TBCD: variants seen among roughly 807,000 people sequenced by gnomAD.
The protein encoded by TBCD is tubulin folding cofactor D.
Under a neutral mutation model 169.3 loss-of-function variants are expected in TBCD, and 105 were observed. That is an observed-to-expected ratio of 0.62 (90% confidence interval 0.53 to 0.73). The LOEUF is 0.73. TBCD is among the 30% of genes least tolerant of loss of function. TBCD has a pLI of 0.00. For missense variants in TBCD, 1,444 were observed against 1,600.1 expected (o/e 0.90, Z 1.66); for synonymous variants, 700 against 643.9 (o/e 1.09, Z -1.32).
chr17:82,913,790 C>T (rs1312518197), intron 23 of TBCD: 2 of 152,290 alleles, frequency 1.3e-5, no homozygotes, highest in Non-Finnish European at 2.9e-5. Flanking sequence ...TCCTGCTGGG[C>T]GTTGGCCGCT....
At chr17:82,764,427 C>T (rs920817175) in intron 3 of TBCD, among the ~76,000 whole-genome samples, 1 of 152,090 alleles carries the variant, frequency 6.6e-6, no homozygotes, top group Non-Finnish European at 1.5e-5. Flanking sequence ...GGTGGATCAC[C>T]TGTGGTCAGG....
intron 34 of TBCD, among the ~76,000 whole-genome samples, chr17:82,933,727 G>A (rs1022691505): frequency 4.9e-4 from 75 of 152,234 alleles, no homozygotes; most frequent in Admixed American, 4.1e-3. Context: ...CAGTTCTCTC[G>A]CAGACTTCTG....
In TBCD at chr17:82,846,311, G is replaced by GCGTCCCCTGTGCCGTGTCCTCT. The variant is rs1567879164; in HGVS notation, c.1319-23908_1319-23907insCCTGTGCCGTGTCCTCTCGTCC. On this transcript the variant is annotated intron_variant, in intron 13 of 38. Coordinates refer to ENST00000355528, the MANE Select transcript of TBCD (RefSeq NM_005993.5). ...CCCTCTGCTGCCCCCTCCACGTGCT[G>GCGTCCCCTGTGCCGTGTCCTCT]CGTCCAGCGTGCCGTGTCCTCTCGT... is the stretch of plus-strand genomic sequence containing the variant. Among the ~76,000 whole-genome samples, 288 of 135,244 alleles carry GCGTCCCCTGTGCCGTGTCCTCT rather than the reference G, an allele frequency of 2.1e-3. 16 individuals carry two copies. Among genetic ancestry groups the GCGTCCCCTGTGCCGTGTCCTCT allele is most frequent in the Admixed American group, 2.6e-3 (35 of 13,332 alleles). The allele number at this position is 135,244 out of a possible 152,430, so 88.7% of individuals were successfully genotyped here. A position where few individuals can be genotyped will look rare whatever the true frequency, so the allele number is the denominator to read the frequency against.
intron 12 of TBCD, 118 bp downstream of exon 12, chr17:82,809,900 T>C: frequency 1.1e-6 from 1 of 875,890 alleles, no homozygotes; most frequent in Non-Finnish European, 1.8e-6. Context: ...CTCCAGAAGC[T>C]CTTTTTTCCC....
chr17:82,874,404 G>C lies in TBCD; in HGVS notation c.1475+4024G>C, dbSNP rs74000141. ...ATCTCGTGGGGCTTTGGTTTTTGGA[G>C]GTCCTGGGTGCGTCTCCACCATGGC... On this transcript the variant is annotated intron_variant, in intron 14 of 38. Transcript: ENST00000355528. The surrounding 1 kb of genome is among the most constrained non-coding windows in gnomAD (Gnocchi z 5.0). Among the ~76,000 whole-genome samples, 5,319 of 152,236 alleles carry C rather than the reference G, an allele frequency of 0.035. 328 individuals carry two copies. The highest frequency in any genetic ancestry group is 0.12 in the African/African-American group (5,012 of 41,520).
chr17:82,788,744 C>G (rs546760388), intron 7 of TBCD, among the ~76,000 whole-genome samples: 144 of 152,120 alleles, frequency 9.5e-4, no homozygotes, highest in African/African-American at 3.2e-3. Context: ...GTGTGTGGGC[C>G]GGGAACCAGG....
chr17:82,875,014 A>ACTCTTCAGGTGCCTGG (rs1160650593), intron 14 of TBCD, among the ~76,000 whole-genome samples: 23 of 151,710 alleles, frequency 1.5e-4, no homozygotes, highest in Non-Finnish European at 2.9e-4. Flanking sequence ...GCCGCTCCTC[A>ACTCTTCAGGTGCCTGG]CTCTTCAGGT....
At chr17:82,838,346 A>C (rs1271955119) in intron 13 of TBCD, among the ~76,000 whole-genome samples, 1 of 151,444 alleles carries the variant, frequency 6.6e-6, no homozygotes. Context: ...AAAAAAAAAA[A>C]CTTTGATAGG....
chr17:82,898,626 G>A (rs539848147), intron 17 of TBCD, among the ~76,000 whole-genome samples: 1 of 11,062 alleles, frequency 9.0e-5, no homozygotes, highest in Admixed American at 1.4e-3. Flanking sequence ...AAGATCAGTT[G>A]CGGTTGTTTT....
Position 82,830,324 on chromosome 17 carries a change from G to A in TBCD, c.1318+15390G>A, listed in dbSNP as rs144194892. 2.5e-6 allele frequency: 4 copies of A among 1,613,970 alleles called. No individual in the cohort carries two copies. In the African/African-American group the frequency reaches 5.3e-5, roughly 22 times the overall value. ...GAGCTCAGTGTGGGTGTGTCTTGCC[G>A]GCAGGCAGGTTCCGGGGCCGCAGCA... On this transcript the variant is annotated intron_variant, in intron 13 of 38. Transcript: ENST00000355528.
intron 19 of TBCD, among the ~76,000 whole-genome samples, chr17:82,905,091 C>T (rs1473705519): frequency 6.6e-6 from 1 of 152,194 alleles, no homozygotes; most frequent in Non-Finnish European, 1.5e-5. Flanking sequence ...CCCTCTGCGT[C>T]CGTGAGGGTT....
At chr17:82,759,837 G>A (rs1399377854) in intron 2 of TBCD, among the ~76,000 whole-genome samples, 2 of 148,874 alleles carry the variant, frequency 1.3e-5, no homozygotes, top group Non-Finnish European at 3.0e-5. Context: ...TTTTTATCCT[G>A]TTCCATTGAC....
chr17:82,895,804 G>T (rs2059435964), intron 17 of TBCD: 1 of 152,176 alleles, frequency 6.6e-6, no homozygotes, highest in Non-Finnish European at 1.5e-5. Context: ...TGCTGACATG[G>T]AGATGTTTCC....
chr17:82,918,495 A>G (rs2061212974), intron 23 of TBCD: 1 of 152,186 alleles, frequency 6.6e-6, no homozygotes, highest in Non-Finnish European at 1.5e-5. Flanking sequence ...TTCCTAGCCC[A>G]CGGTTGGGTT....
At chr17:82,871,867 C>A (rs1380122908) in intron 14 of TBCD, among the ~76,000 whole-genome samples, 5 of 152,178 alleles carry the variant, frequency 3.3e-5, no homozygotes, top group African/African-American at 1.2e-4. Context: ...TCCTGGGTTC[C>A]CTCACGCACC....
intron 14 of TBCD, among the ~76,000 whole-genome samples, chr17:82,872,462 G>A (rs1019611422): frequency 5.3e-5 from 8 of 152,190 alleles, no homozygotes; most frequent in African/African-American, 9.7e-5. Context: ...GGAGAGGTCC[G>A]GCTTTAGGCC....
At position 82,782,892 on chromosome 17, in the gene TBCD, C is replaced by T. The variant is rs906247505; in HGVS notation, c.771+1171C>T. ...CTCAGTGTTGTCTTCCTGTCCATGG[C>T]GTTGTCTTCCTGTCTGCGGTGTCGT... On this transcript the variant is annotated intron_variant, in intron 7 of 38. Transcript: ENST00000355528. The surrounding 1 kb of genome is among the most constrained non-coding windows in gnomAD (Gnocchi z 5.1). Among the ~76,000 whole-genome samples, 1 of 151,106 alleles carries T rather than the reference C, an allele frequency of 6.6e-6. No individual in the cohort carries two copies. The highest frequency in any genetic ancestry group is 2.1e-4 in the South Asian group (1 of 4,724).
intron 5 of TBCD, 42 bp downstream of exon 5, chr17:82,768,608 T>A (rs1239815573): frequency 6.2e-7 from 1 of 1,602,924 alleles, no homozygotes; most frequent in African/African-American, 1.3e-5. Context: ...TAGTACTCAC[T>A]TTCATGTTCA....
At position 82,929,394 on chromosome 17, in the gene TBCD, C is replaced by T; in HGVS notation, c.2885C>T (p.Pro962Leu). 6.2e-7 allele frequency: 1 copy of T among 1,613,020 alleles called. No individual in the cohort carries two copies. Among genetic ancestry groups the T allele is most frequent in the Non-Finnish European group, 8.5e-7 (1 of 1,179,798 alleles). The change falls in exon 32 of 39, where the codon CCT becomes CTT. Residue 962 changes from proline to leucine, a missense_variant. Coordinates refer to ENST00000355528, the MANE Select transcript of TBCD (RefSeq NM_005993.5). ...SDVASVNWSA[P>L]SQAFPRITQL... is the part of the protein sequence containing the mutation. ...GTGGCCTCCGTGAACTGGAGTGCAC[C>T]TTCCCAGGCCTTCCCACGCATCACC...
Sources: gnomAD v4.1 joint callset for allele counts (sites outside exome capture counted in the v4.1 genomes callset) on GRCh38, gnomAD v4.1.1 for gene constraint, Gnocchi (gnomAD v3.1) non-coding constraint, MANE v1.5 for transcripts, NCBI Gene and HGNC (gene_info 2026-07-23, HGNC 2026-07-21) for gene names.